DIP2C: variants seen among roughly 807,000 people sequenced by gnomAD.
The protein encoded by DIP2C is disco-interacting protein 2 homolog C.
Under a neutral mutation model 192.4 loss-of-function variants are expected in DIP2C, and 33 were observed. The ratio of observed to expected loss-of-function variants is 0.17; its 90% CI spans 0.13 to 0.23. The LOEUF is 0.23. Ranked by LOEUF, DIP2C falls within the 10% of genes least tolerant of loss-of-function variation. The probability of loss-of-function intolerance (pLI) is 1.00; values close to 1 mark genes in which losing one functional copy is unlikely to be tolerated. For missense variants in DIP2C, 1,537 were observed against 2,110.1 expected, an observed-to-expected ratio of 0.73 and a Z score of 5.32; for synonymous variants, 979 against 864.1, an observed-to-expected ratio of 1.13 and a Z score of -2.33.
At chr10:586,970 T>TACCC (rs1231742010) in intron 1 of DIP2C, among the ~76,000 whole-genome samples, 1 of 149,376 alleles carries the variant, frequency 6.7e-6, no homozygotes, top group African/African-American at 2.5e-5. Flanking sequence ...AAGGCCAGAC[T>TACCC]ACCCGGGTCC....
intron 1 of DIP2C, among the ~76,000 whole-genome samples, chr10:529,280 TTC>T (rs1245330617): frequency 6.6e-6 from 1 of 152,206 alleles, no homozygotes; most frequent in Non-Finnish European, 1.5e-5. Context: ...TAACTAAAAC[TTC>T]TGATTTAGAA....
intron 31 of DIP2C, among the ~76,000 whole-genome samples, chr10:313,074 G>A (rs1261995032): frequency 1.3e-5 from 2 of 152,152 alleles, no homozygotes; most frequent in Non-Finnish European, 2.9e-5. Flanking sequence ...AGATAAAGAG[G>A]TAAGATATAG....
At chr10:618,652 C>A (rs1020245722) in intron 1 of DIP2C, among the ~76,000 whole-genome samples, 1 of 152,322 alleles carries the variant, frequency 6.6e-6, no homozygotes, top group African/African-American at 2.4e-5. Context: ...TTTTATGCAA[C>A]AAAGTTAAAA....
intron 1 of DIP2C, among the ~76,000 whole-genome samples, chr10:608,854 C>T (rs927508455): frequency 6.6e-5 from 10 of 151,196 alleles, no homozygotes; most frequent in African/African-American, 1.7e-4. Flanking sequence ...TTACATACCA[C>T]GAGTCAGCAT....
rs763899524 is a variant in DIP2C, at chr10:422,941, A to G, written c.487T>C (p.Trp163Arg). ...SSQGSINMEH[W>R]ISQAIHGSTT... ...GAGCCGTGGATGGCCTGGCTGATCC[A>G]GTGCTCCATATTGATGCTGCCCTGG... Residue 163 changes from tryptophan (W) to arginine (R), a missense_variant, in exon 5 of 37, where the codon TGG (tryptophan) becomes CGG (arginine). Around this residue, in one of 4 missense-constraint regions of DIP2C, gnomAD observed 473 missense variants for 539.6 expected, o/e 0.88. Coordinates refer to ENST00000280886, the MANE Select transcript of DIP2C (RefSeq NM_014974.3). The G allele has an allele frequency of 6.2e-7, 1 of 1,614,170 alleles. No individual in the cohort carries two copies. The highest frequency in any genetic ancestry group is 1.7e-5 in the Admixed American group (1 of 60,024).
chr10:533,373 C>G (rs1252938028), intron 1 of DIP2C, among the ~76,000 whole-genome samples: 1 of 152,150 alleles, frequency 6.6e-6, no homozygotes, highest in African/African-American at 2.4e-5. Flanking sequence ...GGGGACACAG[C>G]TTTCTCAAGG....
At chr10:570,255 A>G (rs1443816182) in intron 1 of DIP2C, among the ~76,000 whole-genome samples, 2 of 152,088 alleles carry the variant, frequency 1.3e-5, no homozygotes, top group Non-Finnish European at 2.9e-5. Context: ...TCTCATTTAA[A>G]CTTCACAGTG....
At chr10:647,783 C>G (rs1855548516) in intron 1 of DIP2C, among the ~76,000 whole-genome samples, 1 of 148,990 alleles carries the variant, frequency 6.7e-6, no homozygotes, top group South Asian at 2.1e-4. Flanking sequence ...CAGAGCAAAA[C>G]TGAGTCCACG....
chr10:291,942 G>A (rs748055511), intron 32 of DIP2C, among the ~76,000 whole-genome samples: 2 of 152,210 alleles, frequency 1.3e-5, no homozygotes, highest in Non-Finnish European at 2.9e-5. Flanking sequence ...GGGGGAGGGA[G>A]AAATACAGGC....
intron 22 of DIP2C, 76 bp downstream of exon 22, chr10:362,396 GCAAGCAGCCCTGGGTGAA>G: frequency 7.1e-7 from 1 of 1,409,150 alleles, no homozygotes; most frequent in Non-Finnish European, 9.5e-7. Context: ...TCAGCTTCCT[GCAAGCAGCCCTGGGTGAA>G]CTCCCGCACC....
intron 1 of DIP2C, among the ~76,000 whole-genome samples, chr10:581,854 A>G (rs1293805201): frequency 2.6e-5 from 4 of 152,144 alleles, no homozygotes; most frequent in African/African-American, 9.7e-5. Flanking sequence ...ATCTACTGAC[A>G]TCTTAGCACA....
chr10:518,183 G>A lies in DIP2C; in HGVS notation c.86-31653C>T, dbSNP rs572127234. 4.6e-5 allele frequency among the ~76,000 whole-genome samples: 7 copies of A among 152,356 alleles called. No individual in the cohort carries two copies. In the South Asian group the frequency reaches 8.3e-4, roughly 18 times the overall value. ...CACCCAGTGCTGCTGACCACCCCAA[G>A]GTCATGGCCTCTGCCTCTTCTCTGC... is the stretch of plus-strand genomic sequence containing the variant. On this transcript the variant is annotated intron_variant, in intron 1 of 36. Transcript: ENST00000280886.
At chr10:422,684 C>A in intron 5 of DIP2C, 140 bp downstream of exon 5, 1 of 1,027,674 alleles carries the variant, frequency 9.7e-7, no homozygotes, top group African/African-American at 1.6e-5. Context: ...AGAAACAATC[C>A]AGCCAAAGCA....
At chr10:624,061 G>A (rs943044943) in intron 1 of DIP2C, among the ~76,000 whole-genome samples, 9 of 152,222 alleles carry the variant, frequency 5.9e-5, no homozygotes, top group Admixed American at 1.3e-4. Flanking sequence ...CTCTGCACCC[G>A]GGACCCGCCC....
intron 1 of DIP2C, among the ~76,000 whole-genome samples, chr10:568,628 T>C (rs1357065129): frequency 6.6e-6 from 1 of 151,492 alleles, no homozygotes; most frequent in African/African-American, 2.4e-5. Context: ...TAGCCAGGCA[T>C]GGTGGCACGC....
intron 4 of DIP2C, among the ~76,000 whole-genome samples, chr10:439,779 G>T (rs1054425016): frequency 6.6e-6 from 1 of 152,148 alleles, no homozygotes; most frequent in African/African-American, 2.4e-5. Context: ...CTGATCTGAT[G>T]CATGTCCTTC....
At chr10:660,903 G>C (rs565854794) in intron 1 of DIP2C, among the ~76,000 whole-genome samples, 2 of 152,250 alleles carry the variant, frequency 1.3e-5, no homozygotes, top group Non-Finnish European at 2.9e-5. Context: ...CTCACAGCTA[G>C]CACATCACAA....
At chr10:483,660 GCTC>G (rs1246335473) in intron 2 of DIP2C, among the ~76,000 whole-genome samples, 5 of 152,162 alleles carry the variant, frequency 3.3e-5, no homozygotes. Flanking sequence ...TCTGCCCCTT[GCTC>G]CTGAGAGGGT....
At chr10:353,683 C>A (rs907441689) in intron 24 of DIP2C, among the ~76,000 whole-genome samples, 1 of 152,150 alleles carries the variant, frequency 6.6e-6, no homozygotes, top group African/African-American at 2.4e-5. Context: ...CTGGCCTCCA[C>A]CACTTTAAAT....
Sources: gnomAD v4.1 joint callset for allele counts (sites outside exome capture counted in the v4.1 genomes callset) on GRCh38, gnomAD v4.1.1 for gene constraint, gnomAD v4.1.1 regional missense constraint, MANE v1.5 for transcripts, NCBI Gene and HGNC (gene_info 2026-07-23, HGNC 2026-07-21) for gene names.